Variants in FAF1 observed in about 807,000 individuals in gnomAD.
FAF1 encodes Fas associated factor 1, also known as FAS-associated factor 1.
FAF1 carries 25 observed loss-of-function variants against 92.5 expected under a neutral mutation model. The ratio of observed to expected loss-of-function variants is 0.27; its 90% confidence interval spans 0.20 to 0.38. The LOEUF (loss-of-function observed/expected upper bound fraction) is 0.38. Among genes scored for constraint, FAF1 ranks in the 10% least tolerant of loss-of-function variants. FAF1 has a pLI of 1.00. For missense variants in FAF1, 636 were observed against 793.3 expected (o/e 0.80, Z 2.38); for synonymous variants, 234 against 273.2 (o/e 0.86, Z 1.42).
chr1:50,827,635 AAAATAAAT>A (rs555516630), intron 2 of FAF1, among the ~76,000 whole-genome samples: 1 of 146,442 alleles, frequency 6.8e-6, no homozygotes, highest in African/African-American at 2.8e-5. Flanking sequence ...TAAATACTAA[AAAATAAAT>A]AAATAAATAA....
At chr1:50,808,053 A>G (rs1004691417) in intron 2 of FAF1, among the ~76,000 whole-genome samples, 4 of 152,192 alleles carry the variant, frequency 2.6e-5, no homozygotes, top group African/African-American at 9.6e-5. Flanking sequence ...TTAACAGTGG[A>G]ACTTTCAGCA....
At chr1:50,462,855 C>T (rs552213036) in intron 18 of FAF1, among the ~76,000 whole-genome samples, 96 of 152,152 alleles carry the variant, frequency 6.3e-4, no homozygotes, top group African/African-American at 2.3e-3. Context: ...TATAGAGGTC[C>T]CCTTACATAT....
intron 7 of FAF1, among the ~76,000 whole-genome samples, chr1:50,684,472 C>T (rs1181012407): frequency 1.3e-5 from 2 of 152,042 alleles, no homozygotes; most frequent in African/African-American, 2.4e-5. Context: ...CTATCACAGT[C>T]GAGGCATTCA....
chr1:50,799,272 TAACTTTGA>T (rs1343391340), intron 3 of FAF1, among the ~76,000 whole-genome samples: 1 of 152,260 alleles, frequency 6.6e-6, no homozygotes, highest in Non-Finnish European at 1.5e-5. Flanking sequence ...GTAAACTCTC[TAACTTTGA>T]ATTTCCTCAT....
At chr1:50,841,810 T>C (rs1257445357) in intron 2 of FAF1, among the ~76,000 whole-genome samples, 1 of 152,072 alleles carries the variant, frequency 6.6e-6, no homozygotes, top group Non-Finnish European at 1.5e-5. Flanking sequence ...GCATAAAATT[T>C]TAAGGAGATC....
At chr1:50,672,542 C>G (rs917159497) in intron 7 of FAF1, among the ~76,000 whole-genome samples, 2 of 152,054 alleles carry the variant, frequency 1.3e-5, no homozygotes, top group African/African-American at 4.8e-5. Flanking sequence ...CTCGACCTAC[C>G]AAAGTGCTGG....
At chr1:50,779,987 G>GAC (rs1297272722) in intron 4 of FAF1, among the ~76,000 whole-genome samples, 34 of 112,798 alleles carry the variant, frequency 3.0e-4, no homozygotes, top group African/African-American at 8.6e-4. Flanking sequence ...TGCACAGACA[G>GAC]ACAGACACAC....
At position 50,596,127 on chromosome 1, in the gene FAF1, C is replaced by T. The variant is rs766594998; in HGVS notation, c.834G>A (p.Ser278=). ...AGCTGGCAAACAGGCTTACTTCTTC[C>T]GACTGTTCCCGGGTCTGTGCAGGTG... ...RSSPAQTREQ[S]EEQITDVHMV... Residue 278 remains serine (S), a synonymous_variant, in exon 9 of 19, where the codon TCG becomes TCA. Transcript: ENST00000396153. 8.1e-6 allele frequency: 13 copies of T among 1,612,212 alleles called. No homozygotes were observed. Among genetic ancestry groups the T allele is most frequent in the East Asian group, 4.5e-5 (2 of 44,836 alleles).
At chr1:50,472,999 C>G (rs140610998) in intron 18 of FAF1, among the ~76,000 whole-genome samples, 125 of 152,236 alleles carry the variant, frequency 8.2e-4, no homozygotes, top group African/African-American at 2.9e-3. Flanking sequence ...TCTGGGTGGG[C>G]CTAGAGCATC....
intron 9 of FAF1, among the ~76,000 whole-genome samples, chr1:50,591,638 A>C (rs1651514391): frequency 7.1e-6 from 1 of 141,180 alleles, no homozygotes; most frequent in Non-Finnish European, 1.5e-5. Context: ...GCACCACTGC[A>C]CTCCACCCTA....
intron 6 of FAF1, 90 bp downstream of exon 6, chr1:50,738,773 T>C (rs1659241303): frequency 2.5e-6 from 2 of 796,312 alleles, no homozygotes; most frequent in Non-Finnish European, 4.2e-6. Context: ...GACTTGTATT[T>C]GATTTAATTT....
In FAF1 at chr1:50,734,506, G is replaced by A. The variant is rs540660878; in HGVS notation, c.551+4357C>T. On this transcript the variant is annotated intron_variant, in intron 6 of 18. Transcript: ENST00000396153. ...TCCCAGCACTTTGGGAAGCCGAGGC[G>A]GGTGGATCACGAGGTCAGGAGATTG... 2.2e-3 allele frequency among the ~76,000 whole-genome samples: 337 copies of A among 152,126 alleles called. 3 individuals carry two copies. Among genetic ancestry groups the A allele is most frequent in the African/African-American group, 7.6e-3 (317 of 41,508 alleles).
intron 2 of FAF1, among the ~76,000 whole-genome samples, chr1:50,825,748 C>T (rs1255340837): frequency 1.3e-5 from 2 of 151,906 alleles, no homozygotes; most frequent in African/African-American, 4.8e-5. Flanking sequence ...AAACATTTAC[C>T]AAAATTTCAG....
At chr1:50,664,575 G>A (rs986321275) in intron 7 of FAF1, among the ~76,000 whole-genome samples, 1 of 151,918 alleles carries the variant, frequency 6.6e-6, no homozygotes, top group Non-Finnish European at 1.5e-5. Flanking sequence ...TGGATCACGA[G>A]GTCAGCAGAT....
intron 3 of FAF1, among the ~76,000 whole-genome samples, chr1:50,797,529 T>C (rs926877573): frequency 1.3e-5 from 2 of 151,926 alleles, no homozygotes; most frequent in Non-Finnish European, 2.9e-5. Flanking sequence ...TGAGACCCCA[T>C]CTCTACAAAG....
In FAF1 at chr1:50,463,411, G is replaced by A. The variant is rs77308712; in HGVS notation, c.1869+12053C>T. 9.8e-3 allele frequency among the ~76,000 whole-genome samples: 1,496 copies of A among 152,266 alleles called. 24 individuals are homozygous for A. Among genetic ancestry groups the A allele is most frequent in the African/African-American group, 0.034 (1,423 of 41,548 alleles). Reference sequence around the variant, plus strand: ...AGTGTGATTATATGCTGAGTCCTGTGAGTCTTCCCAGGAAATCACTGAACT... The same window carrying A: ...AGTGTGATTATATGCTGAGTCCTGTAAGTCTTCCCAGGAAATCACTGAACT... On this transcript the variant is annotated intron_variant, in intron 18 of 18. Transcript: ENST00000396153.
At chr1:50,524,353 ATG>A (rs930073014) in intron 15 of FAF1, among the ~76,000 whole-genome samples, 39 of 152,128 alleles carry the variant, frequency 2.6e-4, no homozygotes, top group African/African-American at 9.2e-4. Context: ...TACTCTGCTG[ATG>A]TGTGTTTTGC....
chr1:50,850,465 A>G (rs1182194183), intron 2 of FAF1, among the ~76,000 whole-genome samples: 1 of 152,176 alleles, frequency 6.6e-6, no homozygotes, highest in African/African-American at 2.4e-5. Flanking sequence ...TGGAATCTGA[A>G]GAATTATATT....
Position 50,439,004 on chromosome 1 carries a change from A to C in FAF1, c.*2436T>G, listed in dbSNP as rs1646147826. On this transcript the variant is annotated 3_prime_UTR_variant, in exon 19 of 19. Coordinates refer to ENST00000396153, the MANE Select transcript of FAF1 (RefSeq NM_007051.3). The stretch of plus-strand genomic sequence containing the variant: ...AACACTTCCTTTAACTTTCAAACTA[A>C]TGCTGCAACTGCACATCCAGCAGTC... 6.6e-6 allele frequency: 1 copy of C among 152,240 alleles called. No homozygotes were observed. The highest frequency in any genetic ancestry group is 1.5e-5 in the Non-Finnish European group (1 of 68,044). 9.4% of individuals were successfully genotyped at this position (152,240 alleles called of 1,614,324 possible).
Sources: gnomAD v4.1 joint callset for allele counts (sites outside exome capture counted in the v4.1 genomes callset) on GRCh38, gnomAD v4.1.1 for gene constraint, MANE v1.5 for transcripts, NCBI Gene and HGNC (gene_info 2026-07-23, HGNC 2026-07-21) for gene names.